The following SYNE1 variants were observed in gnomAD, a reference collection of about 807,000 sequenced individuals.
SYNE1 encodes the protein spectrin repeat containing nuclear envelope protein 1.
A neutral mutation model predicts 1,111.0 loss-of-function variants in SYNE1; 616 were observed. That is an observed-to-expected ratio of 0.55 (90% CI 0.52 to 0.59). The LOEUF (loss-of-function observed/expected upper bound fraction) is 0.59. SYNE1 is among the 20% of genes least tolerant of loss of function. The pLI is 0.00. For missense variants in SYNE1, 10,006 were observed against 10,417.0 expected, an observed-to-expected ratio of 0.96 and a Z score of 1.72; for synonymous variants, 3,855 against 3,825.8, an observed-to-expected ratio of 1.01 and a Z score of -0.28.
chr6:152,528,138 C>T (rs1294830371), intron 4 of SYNE1, among the ~76,000 whole-genome samples: 1 of 152,172 alleles, frequency 6.6e-6, no homozygotes, highest in Non-Finnish European at 1.5e-5. Flanking sequence ...CTCCTCTCTT[C>T]TTCCTAACCA....
chr6:152,406,220 A>G (rs2097898025), intron 45 of SYNE1, among the ~76,000 whole-genome samples: 1 of 152,100 alleles, frequency 6.6e-6, no homozygotes, highest in Admixed American at 6.6e-5. Context: ...GTGACCCTCC[A>G]ATCTCCAATT....
chr6:152,594,337 C>T (rs1000272567), intron 3 of SYNE1, among the ~76,000 whole-genome samples: 1 of 152,090 alleles, frequency 6.6e-6, no homozygotes, highest in African/African-American at 2.4e-5. Context: ...GACAAGGTCC[C>T]CTGAGGCCCA....
intron 3 of SYNE1, among the ~76,000 whole-genome samples, chr6:152,564,470 C>G (rs1367662351): frequency 6.6e-6 from 1 of 152,028 alleles, no homozygotes; most frequent in Non-Finnish European, 1.5e-5. Context: ...GGGCATGCCA[C>G]CACACCTGGC....
At chr6:152,355,255 G>A (rs1187823691) in intron 66 of SYNE1, among the ~76,000 whole-genome samples, 2 of 151,864 alleles carry the variant, frequency 1.3e-5, no homozygotes, top group Non-Finnish European at 1.5e-5. Flanking sequence ...TAGCTAACAG[G>A]CAAAAACACT....
In SYNE1 at chr6:152,164,249, C is replaced by T. The variant is rs372990463; in HGVS notation, c.23704G>A (p.Ala7902Thr). The T allele has an allele frequency of 3.0e-5, 49 of 1,614,052 alleles. No individual in the cohort carries two copies. Among genetic ancestry groups the T allele is most frequent in the African/African-American group, 1.3e-4 (10 of 74,914 alleles). ...TTGGCCAGCTCTGACTCGATGTGAG[C>T]GAGCCAGGTCCTCAGGCTGCTCATG... ...KNMSSLRTWLAHIESELAKPI... is the reference protein window; with the variant it reads ...KNMSSLRTWLTHIESELAKPI... Residue 7902 changes from alanine (A) to threonine (T), a missense_variant, in exon 131 of 146, where the codon GCT becomes ACT. This residue lies in a region of SYNE1 where 2,182 missense variants were observed against 2,287.8 expected (regional missense o/e 0.95). Coordinates refer to ENST00000367255, the MANE Select transcript of SYNE1 (RefSeq NM_182961.4).
chr6:152,439,682 C>A (rs530657563), intron 32 of SYNE1, among the ~76,000 whole-genome samples: 1 of 152,068 alleles, frequency 6.6e-6, no homozygotes, highest in African/African-American at 2.4e-5. Flanking sequence ...GAGAGTGAAG[C>A]CTTTTGCAGG....
At position 152,391,305 on chromosome 6, in the gene SYNE1, G is replaced by T. The variant is rs117480635; in HGVS notation, c.7976C>A (p.Thr2659Asn). 3.4e-3 allele frequency: 5,428 copies of T among 1,614,040 alleles called. 16 individuals are homozygous for T. The highest frequency in any genetic ancestry group is 4.2e-3 in the Non-Finnish European group (4,915 of 1,179,998). Residue 2659 changes from threonine (T) to asparagine (N), a missense_variant, in exon 52 of 146, where the codon ACC (threonine) becomes AAC (asparagine). Around this residue, in one of 7 missense-constraint regions of SYNE1, gnomAD observed 4,955 missense variants for 5,017.2 expected, o/e 0.99. Transcript: ENST00000367255. ...CAESTLGSKD[T>N]LEKRLSQIQD... is the part of the protein sequence containing the mutation. ...TATTTGTGACAGCCGTTTCTCCAGGGTGTCTTTGCTCCCAAGAGTGCTCTC... is the reference window on the plus strand; with the variant it reads ...TATTTGTGACAGCCGTTTCTCCAGGTTGTCTTTGCTCCCAAGAGTGCTCTC...
intron 3 of SYNE1, among the ~76,000 whole-genome samples, chr6:152,575,297 T>C (rs541736363): frequency 1.6e-4 from 24 of 152,220 alleles, no homozygotes; most frequent in Non-Finnish European, 3.2e-4. Context: ...CTGAATTACA[T>C]GCCTCTAGAT....
At chr6:152,218,149 A>G (rs2079203918) in intron 121 of SYNE1, 108 bp downstream of exon 121, 1 of 1,332,398 alleles carries the variant, frequency 7.5e-7, no homozygotes. Flanking sequence ...CCGAGATCAC[A>G]CCACGGCACT....
intron 22 of SYNE1, among the ~76,000 whole-genome samples, chr6:152,457,108 C>T (rs973978796): frequency 1.3e-5 from 2 of 151,854 alleles, no homozygotes; most frequent in Non-Finnish European, 2.9e-5. Flanking sequence ...AATCTCTATC[C>T]AATACAATGA....
At position 152,209,549 on chromosome 6, in the gene SYNE1, A is replaced by G. The variant is rs567914655; in HGVS notation, c.22590-1343T>C. On this transcript the variant is annotated intron_variant, in intron 124 of 145. Transcript: ENST00000367255. ...TGGATCACCTGAGGTCAGGAGTTTG[A>G]GACCAGCCTGGCCAACATGGCGAAA... 7.9e-4 allele frequency among the ~76,000 whole-genome samples: 120 copies of G among 152,202 alleles called. 1 individual carries two copies. Among genetic ancestry groups the G allele is most frequent in the African/African-American group, 2.8e-3 (116 of 41,534 alleles).
rs188152752 is a variant in SYNE1, at chr6:152,321,207, G to C, written c.16236+31C>G. On this transcript the variant is annotated intron_variant, in intron 84 of 145. Transcript: ENST00000367255. ...GAGGACTGACCCTATAAACAAAATGGAAAGACACTCTTTCTTGATCATAGG... is the reference window on the plus strand; with the variant it reads ...GAGGACTGACCCTATAAACAAAATGCAAAGACACTCTTTCTTGATCATAGG... The C allele has an allele frequency of 2.5e-6, 4 of 1,611,924 alleles. No homozygotes were observed. The South Asian group carries it at 3.3e-5, about 13-fold the overall frequency.
chr6:152,297,336 G>C (rs1319690015), intron 93 of SYNE1, among the ~76,000 whole-genome samples: 1 of 152,104 alleles, frequency 6.6e-6, no homozygotes, highest in East Asian at 1.9e-4. Flanking sequence ...TAAAACTAAA[G>C]GGGGCCATCC....
chr6:152,193,989 G>T (rs867729077), intron 127 of SYNE1, among the ~76,000 whole-genome samples: 1 of 148,892 alleles, frequency 6.7e-6, no homozygotes, highest in Non-Finnish European at 1.5e-5. Flanking sequence ...CTCCAGCCTG[G>T]GCAGCAGAGC....
intron 3 of SYNE1, among the ~76,000 whole-genome samples, chr6:152,558,725 G>T (rs1221306605): frequency 1.3e-5 from 2 of 152,050 alleles, no homozygotes; most frequent in African/African-American, 4.8e-5. Flanking sequence ...GAAATAAACA[G>T]CAATATGATT....
chr6:152,492,374 C>T (rs964852011), intron 11 of SYNE1, among the ~76,000 whole-genome samples: 39 of 152,236 alleles, frequency 2.6e-4, no homozygotes, highest in African/African-American at 9.2e-4. Flanking sequence ...AATTACTTGC[C>T]TCCACTGTGA....
At chr6:152,206,045 T>G (rs936702373) in intron 126 of SYNE1, 123 bp downstream of exon 126, 117 of 1,044,524 alleles carry the variant, frequency 1.1e-4, no homozygotes, top group South Asian at 3.9e-4. Flanking sequence ...ACACAGAGAA[T>G]CAAAATACTG....
At chr6:152,145,946 A>C in intron 137 of SYNE1, 1 of 279,272 alleles carries the variant, frequency 3.6e-6, no homozygotes. Flanking sequence ...GATCGCTTGA[A>C]CCCGGGAGGT....
intron 30 of SYNE1, among the ~76,000 whole-genome samples, chr6:152,443,793 G>A (rs181038293): frequency 1.1e-3 from 161 of 152,074 alleles, no homozygotes; most frequent in African/African-American, 3.5e-3. Flanking sequence ...TTTATATTGC[G>A]TTTAACAAGG....
Sources: allele counts gnomAD v4.1 joint callset (sites outside exome capture counted in the v4.1 genomes callset), GRCh38; gene constraint gnomAD v4.1.1; regional missense constraint gnomAD v4.1.1; transcripts MANE v1.5; gene names NCBI Gene and HGNC (gene_info 2026-07-23, HGNC 2026-07-21).